Variants in ANK2 observed in about 807,000 individuals in gnomAD.
ANK2 encodes ankyrin-2.
In ANK2, 83 loss-of-function variants were observed where a neutral mutation model predicts 360.5. The observed-to-expected ratio is 0.23, with a 90% CI of 0.19 to 0.28. ANK2 has a LOEUF of 0.28. Ranked by LOEUF, ANK2 falls within the 10% of genes least tolerant of loss-of-function variation. The pLI, the probability that ANK2 is intolerant of heterozygous loss-of-function variation, is 1.00. For missense variants in ANK2, 4,201 were observed against 4,795.7 expected, an observed-to-expected ratio of 0.88 and a Z score of 3.66; for synonymous variants, 1,740 against 1,759.5, an observed-to-expected ratio of 0.99 and a Z score of 0.28.
rs758330357 is a variant in ANK2, at chr4:113,242,200, C to G, written c.882C>G (p.Ala294=). The change falls in exon 9 of 46, where the codon GCC becomes GCG. Residue 294 remains alanine (A), a synonymous_variant. Coordinates refer to ENST00000357077, the MANE Select transcript of ANK2 (RefSeq NM_001148.6). ...LLLDRGGQID[A]KTRDGLTPLH... ...TGGATCGAGGCGGTCAGATCGATGCCAAAACTAGGGTGAGTGTCTCTGTTC... is the reference window on the plus strand; with the variant it reads ...TGGATCGAGGCGGTCAGATCGATGCGAAAACTAGGGTGAGTGTCTCTGTTC... The G allele has an allele frequency of 1.2e-6, 2 of 1,613,170 alleles. No homozygotes were observed. Among genetic ancestry groups the G allele is most frequent in the Non-Finnish European group, 1.7e-6 (2 of 1,179,196 alleles).
Position 113,357,297 on chromosome 4 carries a change from AG to A in ANK2, c.8680del (p.Asp2894ThrfsTer20). On this transcript the variant is annotated frameshift_variant, in exon 38 of 46. Coordinates refer to ENST00000357077, the MANE Select transcript of ANK2 (RefSeq NM_001148.6). LOFTEE classifies it high-confidence loss of function. ...ACTTACCAAAGGACTGCCCCTCTCA[AG>A]ACTCATCCATTACTACTCAAACAGA... is the stretch of plus-strand genomic sequence containing the variant. ...ENLPKDCPSQ[D>X]SSITTQTDRF... 1 of 1,614,098 alleles carries A rather than the reference AG, an allele frequency of 6.2e-7. No homozygotes were observed. Among genetic ancestry groups the A allele is most frequent in the Non-Finnish European group, 8.5e-7 (1 of 1,179,996 alleles).
intron 18 of ANK2, among the ~76,000 whole-genome samples, chr4:113,283,576 T>C (rs2063242213): frequency 6.6e-6 from 1 of 152,164 alleles, no homozygotes; most frequent in Non-Finnish European, 1.5e-5. Context: ...AATATTCAAA[T>C]ATAAAAATAT....
In ANK2 at chr4:113,009,006, A is replaced by G. The variant is rs60119278; in HGVS notation, c.21+104492A>G. On this transcript the variant is annotated intron_variant, in intron 2 of 30. Coordinates refer to the ANK2 transcript ENST00000503271. ...AAGAATTTAATTTGTCCTAAACAGC[A>G]TGTTTTAAGTTACAGTACAACACAC... is the stretch of plus-strand genomic sequence containing the variant. 6.9e-3 allele frequency among the ~76,000 whole-genome samples: 1,052 copies of G among 152,324 alleles called. 12 individuals are homozygous for G. The highest frequency in any genetic ancestry group is 0.024 in the African/African-American group (983 of 41,578).
intron 1 of ANK2, among the ~76,000 whole-genome samples, chr4:112,859,526 G>T (rs1312825958): frequency 6.6e-6 from 1 of 152,220 alleles, no homozygotes; most frequent in Non-Finnish European, 1.5e-5. Context: ...GAAGGCTCCA[G>T]CCCTCAGGGA....
intron 2 of ANK2, among the ~76,000 whole-genome samples, chr4:112,994,150 T>C (rs2047762646): frequency 1.3e-5 from 2 of 152,242 alleles, no homozygotes; most frequent in South Asian, 4.1e-4. Flanking sequence ...TAAAAGCAGA[T>C]ATTAATCCCG....
chr4:112,924,381 A>T (rs1433665508), intron 2 of ANK2, among the ~76,000 whole-genome samples: 1 of 151,412 alleles, frequency 6.6e-6, no homozygotes, highest in Non-Finnish European at 1.5e-5. Context: ...AAAAAAAAAA[A>T]GAAAAACAGA....
chr4:113,297,522 C>G lies in ANK2; in HGVS notation c.2475+3984C>G, dbSNP rs569156504. Among the ~76,000 whole-genome samples, 3 of 151,990 alleles carry G rather than the reference C, an allele frequency of 2.0e-5. No individual in the cohort carries two copies. In the South Asian group the frequency reaches 6.2e-4, roughly 32 times the overall value. Reference sequence around the variant, plus strand: ...GTTTATATCAAAATATCACTTGTACCCCGTAAGTATGTACAACTGTGTATC... The same window carrying G: ...GTTTATATCAAAATATCACTTGTACGCCGTAAGTATGTACAACTGTGTATC... On this transcript the variant is annotated intron_variant, in intron 22 of 45. Transcript: ENST00000357077.
At chr4:113,089,579 C>T (rs753293164) in intron 1 of ANK2, among the ~76,000 whole-genome samples, 1 of 152,194 alleles carries the variant, frequency 6.6e-6, no homozygotes, top group Non-Finnish European at 1.5e-5. Flanking sequence ...GTAATCCCAG[C>T]ATTTGGGAGG....
intron 45 of ANK2, among the ~76,000 whole-genome samples, chr4:113,373,894 C>T (rs1247793186): frequency 6.6e-6 from 1 of 152,160 alleles, no homozygotes. Context: ...TGCAGAGTTA[C>T]TAAAATCAGG....
chr4:113,179,335 G>A (rs974495145), intron 2 of ANK2, among the ~76,000 whole-genome samples: 1 of 152,176 alleles, frequency 6.6e-6, no homozygotes, highest in Non-Finnish European at 1.5e-5. Flanking sequence ...AGCTGCACCA[G>A]CTTTCCAAAA....
At chr4:112,977,548 A>C (rs1343121560) in intron 2 of ANK2, among the ~76,000 whole-genome samples, 1 of 151,734 alleles carries the variant, frequency 6.6e-6, no homozygotes, top group African/African-American at 2.4e-5. Flanking sequence ...AAATTAAAAA[A>C]AATTTTATTT....
chr4:113,313,386 A>G (rs1323912430), intron 24 of ANK2, among the ~76,000 whole-genome samples: 1 of 152,138 alleles, frequency 6.6e-6, no homozygotes, highest in Non-Finnish European at 1.5e-5. Flanking sequence ...ATTTAGAATA[A>G]TACTTTCTAT....
At chr4:113,304,563 T>C (rs1045331917) in intron 23 of ANK2, among the ~76,000 whole-genome samples, 2 of 152,180 alleles carry the variant, frequency 1.3e-5, no homozygotes, top group Non-Finnish European at 2.9e-5. Flanking sequence ...TAAATATTTT[T>C]CCACAACTAT....
intron 1 of ANK2, among the ~76,000 whole-genome samples, chr4:113,139,274 A>C (rs1187249386): frequency 1.3e-5 from 2 of 152,170 alleles, no homozygotes; most frequent in Non-Finnish European, 2.9e-5. Flanking sequence ...TTCTCATGCT[A>C]TGCATCATTT....
intron 39 of ANK2, among the ~76,000 whole-genome samples, chr4:113,362,092 A>G (rs1236369124): frequency 6.6e-6 from 1 of 152,198 alleles, no homozygotes; most frequent in African/African-American, 2.4e-5. Context: ...AATATTCCTC[A>G]TAAGTAGTCT....
At chr4:112,911,812 A>G (rs956718334) in intron 2 of ANK2, among the ~76,000 whole-genome samples, 4 of 152,246 alleles carry the variant, frequency 2.6e-5, no homozygotes, top group African/African-American at 9.6e-5. Context: ...TTAAGTTTTT[A>G]AAGTGAGTTA....
upstream of ANK2, among the ~76,000 whole-genome samples, chr4:113,046,095 A>T (rs1464840580): frequency 6.6e-6 from 1 of 152,192 alleles, no homozygotes; most frequent in Admixed American, 6.5e-5. Context: ...CTCAGCAGAC[A>T]GGCACAAGGA....
chr4:113,331,876 C>A, intron 27 of ANK2, 96 bp from the exon 28 acceptor site: 1 of 1,142,154 alleles, frequency 8.8e-7, no homozygotes. Context: ...CCAAAGTTCA[C>A]CCTGTGGATC....
chr4:113,128,869 C>G (rs1010745174), intron 1 of ANK2, among the ~76,000 whole-genome samples: 24 of 152,160 alleles, frequency 1.6e-4, no homozygotes, highest in Non-Finnish European at 3.2e-4. Context: ...GTATTTCCTA[C>G]CTCCCTTCAC....
Sources: gnomAD v4.1 joint callset for allele counts (sites outside exome capture counted in the v4.1 genomes callset) on GRCh38, gnomAD v4.1.1 for gene constraint, MANE v1.5 for transcripts, NCBI Gene and HGNC (gene_info 2026-07-23, HGNC 2026-07-21) for gene names.